CMKLR1: variants seen among roughly 807,000 people sequenced by gnomAD.
CMKLR1 encodes the protein chemerin chemokine-like receptor 1.
CMKLR1 carries 6 observed loss-of-function variants against 8.2 expected under a neutral mutation model. That is an observed-to-expected ratio of 0.73 (90% CI 0.40 to 1.44). CMKLR1 has a LOEUF of 1.44. Ranked by LOEUF, CMKLR1 falls within the 40% of genes most tolerant of loss-of-function variation. The pLI is 0.02. For synonymous variants in CMKLR1, 178 were observed against 181.2 expected, an observed-to-expected ratio of 0.98 and a Z score of 0.14; for missense variants, 429 against 478.0, an observed-to-expected ratio of 0.90 and a Z score of 0.96.
intron 2 of CMKLR1, among the ~76,000 whole-genome samples, chr12:108,300,434 G>C (rs59839874): frequency 6.6e-6 from 1 of 152,040 alleles, no homozygotes; most frequent in African/African-American, 2.4e-5. Flanking sequence ...AATATCTTAC[G>C]TAACTCTAGT....
intron 2 of CMKLR1, among the ~76,000 whole-genome samples, chr12:108,307,982 T>G (rs1891451986): frequency 1.3e-5 from 2 of 152,168 alleles, no homozygotes; most frequent in Admixed American, 6.5e-5. Flanking sequence ...TTATTCTCAT[T>G]TCACAGATGA....
chr12:108,315,900 T>C (rs959809298), intron 2 of CMKLR1, among the ~76,000 whole-genome samples: 4 of 152,234 alleles, frequency 2.6e-5, no homozygotes, highest in African/African-American at 9.6e-5. Context: ...ATGGCCTCTC[T>C]GAGCCTTGAT....
intron 2 of CMKLR1, among the ~76,000 whole-genome samples, chr12:108,300,238 C>T (rs1276192420): frequency 2.0e-5 from 3 of 152,180 alleles, no homozygotes; most frequent in Non-Finnish European, 2.9e-5. Context: ...GCTCCAGGAG[C>T]AGGTGCGCCA....
intron 2 of CMKLR1, among the ~76,000 whole-genome samples, chr12:108,311,051 G>A (rs1891551532): frequency 6.6e-6 from 1 of 151,796 alleles, no homozygotes; most frequent in Admixed American, 6.6e-5. Context: ...ATCCCCCACT[G>A]CAAATTGATG....
intron 2 of CMKLR1, among the ~76,000 whole-genome samples, chr12:108,299,947 C>G (rs1878021): frequency 0.72 from 110,285 of 152,176 alleles, 40,182 homozygotes; most frequent in African/African-American, 0.79. Context: ...GCTCCTACAG[C>G]GTCCTGCTCA....
chr12:108,291,338 A>G lies in CMKLR1; in HGVS notation c.*503T>C, dbSNP rs1890957799. ...CCTTCCTCTCCCAGATCACCTATGC[A>G]TTTCCACATACTTTAACACAGAGCA... On this transcript the variant is annotated 3_prime_UTR_variant, in exon 4 of 4. Coordinates refer to ENST00000550402, the MANE Select transcript of CMKLR1 (RefSeq NM_001142343.2). The G allele has an allele frequency of 6.4e-6, 1 of 155,784 alleles. No individual in the cohort carries two copies. The highest frequency in any genetic ancestry group is 1.4e-5 in the Non-Finnish European group (1 of 70,450). The allele number at this position is 155,784 out of a possible 1,614,324, so 9.7% of individuals were successfully genotyped here.
chr12:108,329,492 C>T (rs921777085), intron 2 of CMKLR1, among the ~76,000 whole-genome samples: 3 of 152,204 alleles, frequency 2.0e-5, no homozygotes, highest in African/African-American at 7.2e-5. Flanking sequence ...GTGAAAGCTA[C>T]CTCCACTTCA....
In CMKLR1 at chr12:108,291,791, T is replaced by C; in HGVS notation, c.*50A>G. The C allele has an allele frequency of 6.5e-7, 1 of 1,549,254 alleles. No homozygotes were observed. On this transcript the variant is annotated 3_prime_UTR_variant, in exon 4 of 4. Coordinates refer to ENST00000550402, the MANE Select transcript of CMKLR1 (RefSeq NM_001142343.2). ...GCCTTGATCTTCAGAAGACATATCC[T>C]TGGGTGTCCCTGGGTTGAGAGAGTC...
At chr12:108,317,833 T>C (rs953585705) in intron 2 of CMKLR1, 6 of 152,248 alleles carry the variant, frequency 3.9e-5, no homozygotes, top group Non-Finnish European at 8.8e-5. Flanking sequence ...TGCTCCTACC[T>C]GCCACCATCC....
intron 2 of CMKLR1, among the ~76,000 whole-genome samples, chr12:108,329,671 A>C (rs10219519): frequency 0.44 from 66,508 of 151,986 alleles, 14,954 homozygotes; most frequent in Admixed American, 0.54. Context: ...GCCCCAAGCA[A>C]CCAACATTAA....
chr12:108,306,563 G>C (rs1456364722), intron 2 of CMKLR1, among the ~76,000 whole-genome samples: 1 of 152,074 alleles, frequency 6.6e-6, no homozygotes, highest in Admixed American at 6.5e-5. Context: ...TGGCTACCAG[G>C]GGCTCCTAAC....
intron 2 of CMKLR1, among the ~76,000 whole-genome samples, chr12:108,322,773 C>T (rs1047376526): frequency 6.6e-6 from 1 of 152,162 alleles, no homozygotes; most frequent in African/African-American, 2.4e-5. Flanking sequence ...TGATTCCATG[C>T]TGTTTGTGCA....
intron 2 of CMKLR1, among the ~76,000 whole-genome samples, chr12:108,296,196 T>A (rs1891129548): frequency 6.6e-6 from 1 of 152,158 alleles, no homozygotes; most frequent in Non-Finnish European, 1.5e-5. Context: ...ACTGCCTGCA[T>A]CCACATCCTG....
intron 2 of CMKLR1, among the ~76,000 whole-genome samples, chr12:108,297,771 G>C (rs7978941): frequency 6.6e-6 from 1 of 152,156 alleles, no homozygotes; most frequent in Non-Finnish European, 1.5e-5. Flanking sequence ...TCTGACCTCC[G>C]TAAGCCTCAA....
chr12:108,291,840 A>G lies in CMKLR1; in HGVS notation c.*1T>C. 6.2e-7 allele frequency: 1 copy of G among 1,608,908 alleles called. No homozygotes were observed. The stretch of plus-strand genomic sequence containing the variant: ...TCCATTGAGGGGTTCCACAGTGAGG[A>G]TCAAAGCATGCCGGTCTCCCTCTCA... On this transcript the variant is annotated 3_prime_UTR_variant, in exon 4 of 4. Transcript: ENST00000550402.
At chr12:108,330,819 T>C (rs1182215327) in intron 1 of CMKLR1, among the ~76,000 whole-genome samples, 1 of 152,148 alleles carries the variant, frequency 6.6e-6, no homozygotes, top group African/African-American at 2.4e-5. Flanking sequence ...CCATTGATAG[T>C]AGAACAGCTG....
chr12:108,325,006 C>A (rs1891949274), intron 2 of CMKLR1, among the ~76,000 whole-genome samples: 1 of 152,078 alleles, frequency 6.6e-6, no homozygotes, highest in Non-Finnish European at 1.5e-5. Context: ...CTCTGGAAGA[C>A]CACAGCTGGT....
chr12:108,316,029 A>C (rs569146457), intron 2 of CMKLR1, among the ~76,000 whole-genome samples: 1 of 152,298 alleles, frequency 6.6e-6, no homozygotes, highest in African/African-American at 2.4e-5. Context: ...CTCTAAGAGG[A>C]GGGGATGTGT....
At chr12:108,311,447 T>C (rs577766828) in intron 2 of CMKLR1, among the ~76,000 whole-genome samples, 29 of 152,266 alleles carry the variant, frequency 1.9e-4, no homozygotes, top group African/African-American at 6.7e-4. Flanking sequence ...AGACCCTGCC[T>C]CTAGGGGAAA....
Sources: gnomAD v4.1 joint callset for allele counts (sites outside exome capture counted in the v4.1 genomes callset) on GRCh38, gnomAD v4.1.1 for gene constraint, MANE v1.5 for transcripts, NCBI Gene and HGNC (gene_info 2026-07-23, HGNC 2026-07-21) for gene names.